The following POT1 variants were observed in gnomAD, a reference collection of about 807,000 sequenced individuals.
POT1 encodes protection of telomeres protein 1.
POT1 carries 47 observed loss-of-function variants against 78.5 expected under a neutral mutation model. That is an observed-to-expected ratio of 0.60 (90% CI 0.47 to 0.76). POT1 has a LOEUF of 0.76. POT1 is among the 30% of genes least tolerant of loss of function. POT1 has a pLI of 0.00. For synonymous variants in POT1, 259 were observed against 260.7 expected, an observed-to-expected ratio of 0.99 and a Z score of 0.06; for missense variants, 646 against 749.9, an observed-to-expected ratio of 0.86 and a Z score of 1.62.
At chr7:124,871,442 T>C (rs896670556) in intron 6 of POT1, among the ~76,000 whole-genome samples, 39 of 151,682 alleles carry the variant, frequency 2.6e-4, no homozygotes, top group African/African-American at 8.5e-4. Flanking sequence ...ATATGAAGAG[T>C]TGCATCCATA....
intron 3 of POT1, among the ~76,000 whole-genome samples, chr7:124,899,553 G>A (rs1349251262): frequency 1.3e-5 from 2 of 151,980 alleles, no homozygotes; most frequent in Non-Finnish European, 2.9e-5. Flanking sequence ...TAACAACTGA[G>A]TTACCTTTTT....
intron 9 of POT1, among the ~76,000 whole-genome samples, chr7:124,857,450 C>A (rs1249215699): frequency 6.6e-6 from 1 of 152,192 alleles, no homozygotes; most frequent in Non-Finnish European, 1.5e-5. Flanking sequence ...TGTTTTCCTG[C>A]TCAAATGTTG....
At chr7:124,908,681 T>C (rs1298265326) in intron 3 of POT1, among the ~76,000 whole-genome samples, 1 of 151,962 alleles carries the variant, frequency 6.6e-6, no homozygotes, top group African/African-American at 2.4e-5. Flanking sequence ...CAGGGGACAC[T>C]ATGCTCTATG....
rs188800272 is a variant in POT1, at chr7:124,882,296, A to G, written c.124+9970T>C. Reference sequence around the variant, plus strand: ...AACACTATTCCATTGGTAGAAAAGTATATCATTAAAACATTCAAGTAATAC... The same window carrying G: ...AACACTATTCCATTGGTAGAAAAGTGTATCATTAAAACATTCAAGTAATAC... On this transcript the variant is annotated intron_variant, in intron 6 of 18. Transcript: ENST00000357628. Among the ~76,000 whole-genome samples, 5 of 152,170 alleles carry G rather than the reference A, an allele frequency of 3.3e-5. No homozygotes were observed. The East Asian group carries it at 9.6e-4, about 29-fold the overall frequency.
chr7:124,917,657 A>AT (rs1797050288), intron 2 of POT1, among the ~76,000 whole-genome samples: 1 of 152,192 alleles, frequency 6.6e-6, no homozygotes, highest in African/African-American at 2.4e-5. Flanking sequence ...TTAGATTAAA[A>AT]GACATTAATC....
At chr7:124,918,055 C>A (rs535155626) in intron 2 of POT1, among the ~76,000 whole-genome samples, 2 of 152,326 alleles carry the variant, frequency 1.3e-5, no homozygotes, top group East Asian at 3.9e-4. Flanking sequence ...AACTGCTAAG[C>A]CTGCCTACCA....
rs528779659 is a variant in POT1, at chr7:124,904,768, C to G, written c.-153-6394G>C. Among the ~76,000 whole-genome samples, 18 of 152,336 alleles carry G rather than the reference C, an allele frequency of 1.2e-4. No homozygotes were observed. In the South Asian group the frequency reaches 3.7e-3, roughly 32 times the overall value. The stretch of plus-strand genomic sequence containing the variant: ...AACCCCATCGGTCTCAGCTCAAAAT[C>G]TCCTTAAGCTAATAAGCAACTTCAG... On this transcript the variant is annotated intron_variant, in intron 3 of 18. Coordinates refer to ENST00000357628, the MANE Select transcript of POT1 (RefSeq NM_015450.3).
At chr7:124,842,759 A>G in intron 13 of POT1, 48 bp downstream of exon 13, 1 of 1,492,662 alleles carries the variant, frequency 6.7e-7, no homozygotes, top group Non-Finnish European at 9.1e-7. Context: ...GTGTACATAT[A>G]CACACAAATA....
intron 16 of POT1, among the ~76,000 whole-genome samples, chr7:124,828,624 C>T (rs1304089811): frequency 6.6e-6 from 1 of 152,058 alleles, no homozygotes; most frequent in Non-Finnish European, 1.5e-5. Context: ...TTAGCACCTA[C>T]TCCCAGGAAC....
chr7:124,887,427 C>T (rs7778544), intron 6 of POT1, among the ~76,000 whole-genome samples: 91,335 of 151,834 alleles, frequency 0.6, 27,593 homozygotes, highest in African/African-American at 0.65. Context: ...GTTTTTTTTA[C>T]ATTATACGTT....
In POT1 at chr7:124,897,196, A is replaced by G. The variant is rs1796512530; in HGVS notation, c.-23T>C. On this transcript the variant is annotated 5_prime_UTR_variant, in exon 5 of 19. An upstream open reading frame in the 5' UTR loses its in-frame stop. Coordinates refer to ENST00000357628, the MANE Select transcript of POT1 (RefSeq NM_015450.3). ...CATTGATTCTGTAGAAAAATCTCTT[A>G]AAGATTTGACATAAACCTGAAGGAA... is the stretch of plus-strand genomic sequence containing the variant. 6 of 1,442,476 alleles carry G rather than the reference A, an allele frequency of 4.2e-6. No homozygotes were observed. The highest frequency in any genetic ancestry group is 2.3e-5 in the East Asian group (1 of 42,600). 89.4% of individuals were successfully genotyped at this position (1,442,476 alleles called of 1,614,324 possible).
chr7:124,916,957 T>C (rs1269389757), intron 2 of POT1, among the ~76,000 whole-genome samples: 2 of 151,576 alleles, frequency 1.3e-5, no homozygotes, highest in Admixed American at 6.6e-5. Context: ...GGACTTAAAA[T>C]GCTGGGAGAA....
chr7:124,859,179 C>A, intron 8 of POT1, 67 bp from the exon 9 acceptor site: 1 of 1,252,742 alleles, frequency 8.0e-7, no homozygotes, highest in Non-Finnish European at 1.1e-6. Context: ...AAAGTTTTTT[C>A]CTGGAAACAG....
chr7:124,893,655 A>AC (rs1383742020), intron 5 of POT1, among the ~76,000 whole-genome samples: 2 of 151,548 alleles, frequency 1.3e-5, no homozygotes, highest in Non-Finnish European at 3.0e-5. Context: ...AATTTCCATC[A>AC]CATTCATCAT....
intron 2 of POT1, among the ~76,000 whole-genome samples, chr7:124,921,335 T>C (rs971995670): frequency 6.6e-6 from 1 of 151,970 alleles, no homozygotes; most frequent in African/African-American, 2.4e-5. Flanking sequence ...ATACAAGAAA[T>C]ATCACACTAA....
chr7:124,825,430 T>G lies in POT1; in HGVS notation c.1687-73A>C, dbSNP rs1794607375. ...TTTTTAATGTTATTATTAACACATA[T>G]TTCAATATTGTCCAATTAAAAGATA... On this transcript the variant is annotated intron_variant, in intron 17 of 18. Transcript: ENST00000357628. 4 of 873,446 alleles carry G rather than the reference T, an allele frequency of 4.6e-6. No individual in the cohort carries two copies. The South Asian group carries it at 7.7e-5, about 17-fold the overall frequency. 54.1% of individuals were successfully genotyped at this position (873,446 alleles called of 1,614,324 possible).
At chr7:124,868,680 AATTGG>A (rs1473780864) in intron 7 of POT1, among the ~76,000 whole-genome samples, 4 of 150,562 alleles carry the variant, frequency 2.7e-5, no homozygotes, top group African/African-American at 4.9e-5. Context: ...AATCCTAAGG[AATTGG>A]ATTGAATATA....
chr7:124,889,056 C>G (rs1796309326), intron 6 of POT1, among the ~76,000 whole-genome samples: 1 of 151,854 alleles, frequency 6.6e-6, no homozygotes, highest in South Asian at 2.1e-4. Flanking sequence ...AGGCATATAT[C>G]CAAAGCTGAG....
At chr7:124,916,861 A>C (rs1797027007) in intron 2 of POT1, among the ~76,000 whole-genome samples, 1 of 152,278 alleles carries the variant, frequency 6.6e-6, no homozygotes, top group Non-Finnish European at 1.5e-5. Flanking sequence ...TCAGGACAGA[A>C]GTAGGGCAAT....
Sources: gnomAD v4.1 joint callset for allele counts (sites outside exome capture counted in the v4.1 genomes callset) on GRCh38, gnomAD v4.1.1 for gene constraint, MANE v1.5 for transcripts, NCBI Gene and HGNC (gene_info 2026-07-23, HGNC 2026-07-21) for gene names.